Variants in TOX observed in about 807,000 individuals in gnomAD.
The protein encoded by TOX is thymocyte selection associated high mobility group box, also known as thymocyte selection-associated high mobility group box protein TOX.
A neutral mutation model predicts 53.7 loss-of-function variants in TOX; 11 were observed. The observed-to-expected ratio is 0.20, with a 90% CI of 0.13 to 0.34. The LOEUF is 0.34. Ranked by LOEUF, TOX falls within the 10% of genes least tolerant of loss-of-function variation. The pLI, the probability that TOX is intolerant of heterozygous loss-of-function variation, is 1.00. For synonymous variants in TOX, 225 were observed against 245.3 expected (o/e 0.92, Z 0.77); for missense variants, 570 against 664.6 (o/e 0.86, Z 1.56).
chr8:58,882,574 C>G (rs188858777), intron 3 of TOX, among the ~76,000 whole-genome samples: 1 of 152,282 alleles, frequency 6.6e-6, no homozygotes, highest in African/African-American at 2.4e-5. Flanking sequence ...TCCTTGAAGT[C>G]AGATGGATTT....
chr8:59,106,049 C>T (rs896183448), intron 1 of TOX, among the ~76,000 whole-genome samples: 2 of 152,100 alleles, frequency 1.3e-5, no homozygotes, highest in African/African-American at 2.4e-5. Flanking sequence ...GAATCTTCAA[C>T]CAAAGAGCCA....
At chr8:59,002,164 G>A (rs1813700707) in intron 1 of TOX, among the ~76,000 whole-genome samples, 1 of 150,436 alleles carries the variant, frequency 6.6e-6, no homozygotes. Context: ...AGTAGAGACG[G>A]GGTTTCACCA....
intron 3 of TOX, among the ~76,000 whole-genome samples, chr8:58,883,289 C>T (rs1486526174): frequency 6.6e-6 from 1 of 152,184 alleles, no homozygotes; most frequent in African/African-American, 2.4e-5. Flanking sequence ...AACTCTCTGG[C>T]CTCAGTTTTC....
At chr8:59,082,215 A>C (rs1428264) in intron 1 of TOX, among the ~76,000 whole-genome samples, 46,887 of 152,024 alleles carry the variant, frequency 0.31, 11,848 homozygotes, top group African/African-American at 0.69. Flanking sequence ...TATTTCATTT[A>C]TTTTTCTAAT....
intron 2 of TOX, among the ~76,000 whole-genome samples, chr8:58,948,097 A>T (rs1252472185): frequency 6.6e-6 from 1 of 152,206 alleles, no homozygotes; most frequent in Non-Finnish European, 1.5e-5. Context: ...CACGAGGTCA[A>T]CTTGAACCTG....
intron 1 of TOX, among the ~76,000 whole-genome samples, chr8:59,093,710 T>C (rs1478413965): frequency 6.6e-6 from 1 of 152,210 alleles, no homozygotes; most frequent in African/African-American, 2.4e-5. Flanking sequence ...TTCTTGCTTC[T>C]ACATATATGG....
chr8:58,815,433 T>C lies in TOX; in HGVS notation c.1297A>G (p.Met433Val), dbSNP rs769662910. 2 of 1,613,964 alleles carry C rather than the reference T, an allele frequency of 1.2e-6. No individual in the cohort carries two copies. Among genetic ancestry groups the C allele is most frequent in the African/African-American group, 1.3e-5 (1 of 74,988 alleles). Residue 433 changes from methionine (M) to valine (V), a missense_variant, in exon 7 of 9, where the codon ATG (methionine) becomes GTG (valine). This residue lies in a region of TOX where 239 missense variants were observed against 250.7 expected (regional missense o/e 0.95). Coordinates refer to ENST00000361421, the MANE Select transcript of TOX (RefSeq NM_014729.3). ...ISPPLHQHLN[M>V]QQHQPLTMQQ... Reference sequence around the variant, plus strand: ...ATGGTGAGCGGCTGGTGCTGCTGCATGTTGAGATGCTGGTGAAGAGGCGGG... The same window carrying C: ...ATGGTGAGCGGCTGGTGCTGCTGCACGTTGAGATGCTGGTGAAGAGGCGGG...
At chr8:58,893,387 C>CTA (rs757146519) in intron 3 of TOX, among the ~76,000 whole-genome samples, 1 of 152,062 alleles carries the variant, frequency 6.6e-6, no homozygotes, top group Non-Finnish European at 1.5e-5. Flanking sequence ...GAAATATTAC[C>CTA]TATTTCCAGA....
intron 2 of TOX, among the ~76,000 whole-genome samples, chr8:58,959,204 C>T (rs967787690): frequency 1.3e-5 from 2 of 152,090 alleles, no homozygotes; most frequent in African/African-American, 2.4e-5. Flanking sequence ...TTATATTTTA[C>T]GTTATACTGG....
chr8:59,002,353 G>A (rs2129418195), intron 1 of TOX, among the ~76,000 whole-genome samples: 1 of 151,326 alleles, frequency 6.6e-6, no homozygotes, highest in Admixed American at 6.6e-5. Flanking sequence ...AGCACTTTGG[G>A]AGGCCGAGGA....
intron 6 of TOX, among the ~76,000 whole-genome samples, chr8:58,826,204 A>G (rs1810363767): frequency 6.6e-6 from 1 of 152,210 alleles, no homozygotes; most frequent in Non-Finnish European, 1.5e-5. Context: ...ACATGAGATA[A>G]CAGTGTCTAA....
intron 6 of TOX, among the ~76,000 whole-genome samples, chr8:58,823,989 G>A (rs1391324769): frequency 2.0e-5 from 3 of 152,178 alleles, no homozygotes; most frequent in Non-Finnish European, 2.9e-5. Flanking sequence ...GAAAATGGAC[G>A]AGGTGCTCTG....
chr8:58,954,629 T>C (rs1812681218), intron 2 of TOX, among the ~76,000 whole-genome samples: 1 of 151,958 alleles, frequency 6.6e-6, no homozygotes, highest in African/African-American at 2.4e-5. Context: ...GAAAAGGAAA[T>C]GAGAGAAGGT....
chr8:58,888,855 TAA>T (rs928548549), intron 3 of TOX, among the ~76,000 whole-genome samples: 2 of 151,116 alleles, frequency 1.3e-5, no homozygotes, highest in Non-Finnish European at 3.0e-5. Context: ...GTGAATCAAG[TAA>T]AAAAAAATCA....
intron 1 of TOX, among the ~76,000 whole-genome samples, chr8:59,039,073 C>T (rs1803525053): frequency 6.6e-6 from 1 of 152,190 alleles, no homozygotes; most frequent in African/African-American, 2.4e-5. Context: ...CTCTGACCTC[C>T]CTACCCCGCT....
intron 5 of TOX, among the ~76,000 whole-genome samples, chr8:58,835,377 T>A (rs1209734656): frequency 6.6e-6 from 1 of 152,196 alleles, no homozygotes; most frequent in Non-Finnish European, 1.5e-5. Context: ...CAGCCTCGAT[T>A]CTGAATGCCA....
At chr8:58,922,894 C>T (rs1230662985) in intron 3 of TOX, among the ~76,000 whole-genome samples, 1 of 152,136 alleles carries the variant, frequency 6.6e-6, no homozygotes, top group Non-Finnish European at 1.5e-5. Context: ...AGTTTCCGAG[C>T]AGTGACATTT....
chr8:58,822,598 G>C (rs1051561469), intron 6 of TOX, among the ~76,000 whole-genome samples: 9 of 152,182 alleles, frequency 5.9e-5, no homozygotes, highest in African/African-American at 1.7e-4. Context: ...CATTCTGCAG[G>C]CCCAGATTCC....
chr8:58,928,612 C>T (rs1380247401), intron 3 of TOX, among the ~76,000 whole-genome samples: 2 of 151,340 alleles, frequency 1.3e-5, no homozygotes, highest in African/African-American at 4.9e-5. Context: ...TTTCCTTTTC[C>T]TGTTAACTTT....
Sources: gnomAD v4.1 joint callset for allele counts (sites outside exome capture counted in the v4.1 genomes callset) on GRCh38, gnomAD v4.1.1 for gene constraint, gnomAD v4.1.1 regional missense constraint, MANE v1.5 for transcripts, NCBI Gene and HGNC (gene_info 2026-07-23, HGNC 2026-07-21) for gene names.